RUNDC3B: variants seen among roughly 807,000 people sequenced by gnomAD.
The protein encoded by RUNDC3B is RUN domain-containing protein 3B.
RUNDC3B carries 33 observed loss-of-function variants against 58.4 expected under a neutral mutation model. The observed-to-expected ratio is 0.56, with a 90% CI of 0.43 to 0.75. The LOEUF (loss-of-function observed/expected upper bound fraction) is 0.75, where lower values mean the gene tolerates loss of function less well. Among genes scored for constraint, RUNDC3B ranks in the 30% least tolerant of loss-of-function variants. The pLI, the probability that RUNDC3B is intolerant of heterozygous loss-of-function variation, is 0.00. For synonymous variants in RUNDC3B, 193 were observed against 195.2 expected, an observed-to-expected ratio of 0.99 and a Z score of 0.10; for missense variants, 501 against 535.7, an observed-to-expected ratio of 0.94 and a Z score of 0.64.
chr7:87,669,221 C>T (rs573878403), intron 2 of RUNDC3B, among the ~76,000 whole-genome samples: 114 of 152,056 alleles, frequency 7.5e-4, no homozygotes, highest in African/African-American at 2.6e-3. Flanking sequence ...AATCCTTTAC[C>T]ATTAAGTAAT....
chr7:87,631,823 C>G (rs1821254336), intron 1 of RUNDC3B, among the ~76,000 whole-genome samples: 1 of 152,148 alleles, frequency 6.6e-6, no homozygotes, highest in African/African-American at 2.4e-5. Flanking sequence ...ACAAGCCATG[C>G]AACCTTTCCA....
At chr7:87,647,709 AT>A (rs1330347461) in intron 1 of RUNDC3B, among the ~76,000 whole-genome samples, 2 of 152,306 alleles carry the variant, frequency 1.3e-5, no homozygotes, top group East Asian at 1.9e-4. Context: ...TAAAATACAC[AT>A]TTTGCCACTA....
At chr7:87,723,976 C>T (rs1259247536) in intron 4 of RUNDC3B, among the ~76,000 whole-genome samples, 2 of 152,086 alleles carry the variant, frequency 1.3e-5, no homozygotes, top group African/African-American at 4.8e-5. Flanking sequence ...AATTCCAGCA[C>T]TTTGGGAGGC....
intron 6 of RUNDC3B, among the ~76,000 whole-genome samples, chr7:87,742,795 C>G (rs1441688522): frequency 6.6e-6 from 1 of 151,920 alleles, no homozygotes; most frequent in Non-Finnish European, 1.5e-5. Context: ...CCTCTCATCC[C>G]CAGGGTGGAA....
chr7:87,633,081 A>G (rs1821391154), intron 1 of RUNDC3B, among the ~76,000 whole-genome samples: 1 of 152,222 alleles, frequency 6.6e-6, no homozygotes, highest in Admixed American at 6.5e-5. Flanking sequence ...CAGAACTTGA[A>G]TATTATTTCA....
In RUNDC3B at chr7:87,628,929, C is replaced by T; in HGVS notation, c.106C>T (p.Leu36=). 1 of 1,310,194 alleles carries T rather than the reference C, an allele frequency of 7.6e-7. No individual in the cohort carries two copies. The highest frequency in any genetic ancestry group is 9.8e-7 in the Non-Finnish European group (1 of 1,020,718). The allele number at this position is 1,310,194 out of a possible 1,614,324, so 81.2% of individuals were successfully genotyped here. The change falls in exon 1 of 11, where the codon CTG becomes TTG. Residue 36 remains leucine, a synonymous_variant. Coordinates refer to ENST00000394654, the MANE Select transcript of RUNDC3B (RefSeq NM_001134405.2). ...ARNAAVERRN[L]ITVCRFSVKT... ...CAATGCTGCGGTGGAGAGGAGGAAC[C>T]TGATCACCGTGTGCAGGTACGGCAG...
At chr7:87,803,515 A>G (rs1029100187) in intron 8 of RUNDC3B, among the ~76,000 whole-genome samples, 1 of 152,234 alleles carries the variant, frequency 6.6e-6, no homozygotes, top group Admixed American at 6.5e-5. Context: ...AGAGTAAAAG[A>G]TCTTTATGCA....
chr7:87,814,226 A>G (rs943527196), intron 9 of RUNDC3B, among the ~76,000 whole-genome samples: 1 of 150,370 alleles, frequency 6.7e-6, no homozygotes, highest in African/African-American at 2.5e-5. Context: ...TCAGCCTCCC[A>G]AGTAGCTGGG....
intron 1 of RUNDC3B, among the ~76,000 whole-genome samples, chr7:87,649,126 T>A (rs913729505): frequency 1.3e-5 from 2 of 152,188 alleles, no homozygotes; most frequent in African/African-American, 4.8e-5. Flanking sequence ...TACCATCCTT[T>A]ATAGGATATT....
chr7:87,786,365 T>A (rs1052772677), intron 8 of RUNDC3B, among the ~76,000 whole-genome samples: 5 of 152,116 alleles, frequency 3.3e-5, no homozygotes, highest in Admixed American at 3.3e-4. Flanking sequence ...TTTTAATATT[T>A]TTTAGGAATT....
chr7:87,628,617 G>C lies in RUNDC3B; in HGVS notation c.-207G>C, dbSNP rs1762329145. ...TGTGTGTGTGTGTGTGTGTGTGTGT[G>C]TGTGTGTGGAGCTCGGGTGCCAAGG... On this transcript the variant is annotated 5_prime_UTR_variant, in exon 1 of 11. Transcript: ENST00000394654. 1 of 320,910 alleles carries C rather than the reference G, an allele frequency of 3.1e-6. No individual in the cohort carries two copies. Among genetic ancestry groups the C allele is most frequent in the Admixed American group, 5.4e-5 (1 of 18,470 alleles). The allele number at this position is 320,910 out of a possible 1,614,324, so 19.9% of individuals were successfully genotyped here.
In RUNDC3B at chr7:87,710,593, A is replaced by T; in HGVS notation, c.396A>T (p.Ala132=). 1 of 1,598,584 alleles carries T rather than the reference A, an allele frequency of 6.3e-7. No homozygotes were observed. The highest frequency in any genetic ancestry group is 1.7e-5 in the Admixed American group (1 of 59,140). ...RAKGRAWIRV[A]LMEKHLSEYI... is the part of the protein sequence containing the mutation. ...AGGGTAGAGCCTGGATCAGAGTAGC[A>T]CTCATGGAAAAACATTTATCTGAAT... is the stretch of plus-strand genomic sequence containing the variant. The change falls in exon 4 of 11, where the codon GCA becomes GCT. Residue 132 remains alanine, a synonymous_variant. Coordinates refer to ENST00000394654, the MANE Select transcript of RUNDC3B (RefSeq NM_001134405.2).
chr7:87,753,520 T>C (rs1483518493), intron 6 of RUNDC3B, among the ~76,000 whole-genome samples: 1 of 152,206 alleles, frequency 6.6e-6, no homozygotes, highest in Non-Finnish European at 1.5e-5. Flanking sequence ...AGTCTCTTTG[T>C]AGGTCACTCA....
chr7:87,678,826 A>T (rs1826632106), intron 2 of RUNDC3B, among the ~76,000 whole-genome samples: 1 of 152,202 alleles, frequency 6.6e-6, no homozygotes, highest in African/African-American at 2.4e-5. Context: ...ACTGACAGGG[A>T]TAAAGTTGGA....
chr7:87,791,012 AC>A (rs1835495230), intron 8 of RUNDC3B, among the ~76,000 whole-genome samples: 1 of 152,160 alleles, frequency 6.6e-6, no homozygotes, highest in Non-Finnish European at 1.5e-5. Flanking sequence ...GGCAGATTTA[AC>A]CCAAAGAAGA....
chr7:87,762,544 C>G (rs1446014484), intron 6 of RUNDC3B, among the ~76,000 whole-genome samples: 1 of 151,370 alleles, frequency 6.6e-6, no homozygotes, highest in East Asian at 1.9e-4. Flanking sequence ...ATAATTTTCT[C>G]CTTGTAAACT....
At chr7:87,768,392 A>G (rs1457159174) in intron 6 of RUNDC3B, among the ~76,000 whole-genome samples, 1 of 152,198 alleles carries the variant, frequency 6.6e-6, no homozygotes, top group Non-Finnish European at 1.5e-5. Flanking sequence ...TTGCAGATTC[A>G]GAGAAGACTC....
chr7:87,693,945 A>G, intron 2 of RUNDC3B: 3 of 1,611,940 alleles, frequency 1.9e-6, no homozygotes, highest in Non-Finnish European at 2.5e-6. Context: ...CTCATCTCCA[A>G]ATACCTCTTC....
intron 8 of RUNDC3B, among the ~76,000 whole-genome samples, chr7:87,783,169 G>GTGTT (rs1212336967): frequency 6.6e-6 from 1 of 151,710 alleles, no homozygotes; most frequent in Non-Finnish European, 1.5e-5. Flanking sequence ...GTGTGTGCAT[G>GTGTT]TGTTTGTGTA....
Sources: allele counts gnomAD v4.1 joint callset (sites outside exome capture counted in the v4.1 genomes callset), GRCh38; gene constraint gnomAD v4.1.1; transcripts MANE v1.5; gene names NCBI Gene and HGNC (gene_info 2026-07-23, HGNC 2026-07-21).